WWC2: variants seen among roughly 807,000 people sequenced by gnomAD.
WWC2 encodes the protein protein WWC2.
WWC2 carries 101 observed loss-of-function variants against 138.5 expected under a neutral mutation model. The observed-to-expected ratio is 0.73, with a 90% CI of 0.62 to 0.86. The LOEUF (loss-of-function observed/expected upper bound fraction) is 0.86. WWC2 is among the 40% of genes least tolerant of loss of function. WWC2 has a pLI of 0.00. For missense variants in WWC2, 1,420 were observed against 1,419.4 expected, an observed-to-expected ratio of 1.00 and a Z score of -0.01; for synonymous variants, 558 against 538.4, an observed-to-expected ratio of 1.04 and a Z score of -0.50.
chr4:183,165,644 C>T (rs1428450451), intron 1 of WWC2, among the ~76,000 whole-genome samples: 2 of 152,124 alleles, frequency 1.3e-5, no homozygotes, highest in Admixed American at 6.5e-5. Flanking sequence ...CCTTCAGACT[C>T]ATAGCAAATA....
At chr4:183,299,092 G>T (rs953618029) in intron 21 of WWC2, among the ~76,000 whole-genome samples, 8 of 152,166 alleles carry the variant, frequency 5.3e-5, no homozygotes, top group African/African-American at 1.9e-4. Context: ...AGGCTGGAAA[G>T]TCCAAGATCC....
At chr4:183,209,050 T>C in intron 4 of WWC2, 25 bp downstream of exon 4, 1 of 1,492,828 alleles carries the variant, frequency 6.7e-7, no homozygotes, top group Non-Finnish European at 9.2e-7. Flanking sequence ...ATTGTGGTTC[T>C]ATGTTGACCC....
chr4:183,221,728 A>G (rs1220407954), intron 4 of WWC2, among the ~76,000 whole-genome samples: 1 of 152,226 alleles, frequency 6.6e-6, no homozygotes, highest in Non-Finnish European at 1.5e-5. Context: ...CACTGTATAA[A>G]CATTTATTGG....
intron 1 of WWC2, among the ~76,000 whole-genome samples, chr4:183,117,084 T>G (rs1732435586): frequency 6.6e-6 from 1 of 152,130 alleles, no homozygotes; most frequent in Admixed American, 6.5e-5. Context: ...CATCTCCTTT[T>G]CAAATGTGCC....
At chr4:183,292,964 T>C (rs1195598189) in intron 21 of WWC2, among the ~76,000 whole-genome samples, 1 of 152,224 alleles carries the variant, frequency 6.6e-6, no homozygotes, top group Non-Finnish European at 1.5e-5. Context: ...TTTGGTTTGG[T>C]TTTTTGAGAC....
intron 1 of WWC2, among the ~76,000 whole-genome samples, chr4:183,174,772 C>T (rs1315283130): frequency 6.6e-6 from 1 of 151,660 alleles, no homozygotes; most frequent in African/African-American, 2.4e-5. Context: ...TCTCCTTTTC[C>T]TCCTCTCCTC....
Position 183,282,924 on chromosome 4 carries a change from C to T in WWC2, c.2883+18C>T, listed in dbSNP as rs1192985780. On this transcript the variant is annotated intron_variant, in intron 18 of 22. Transcript: ENST00000403733. ...CAACACTGGTGACTATTCCGCTGTG[C>T]TGTCTTAAAACTGATACCTTACAGG... 4 of 1,558,176 alleles carry T rather than the reference C, an allele frequency of 2.6e-6. No homozygotes were observed. The highest frequency in any genetic ancestry group is 3.5e-6 in the Non-Finnish European group (4 of 1,150,800).
intron 1 of WWC2, among the ~76,000 whole-genome samples, chr4:183,116,405 A>G (rs1355371208): frequency 6.6e-6 from 1 of 152,236 alleles, no homozygotes; most frequent in Non-Finnish European, 1.5e-5. Flanking sequence ...CTATTGAATA[A>G]AAGAAACTTT....
chr4:183,111,698 GTT>G (rs563984525), intron 1 of WWC2, among the ~76,000 whole-genome samples: 2 of 141,046 alleles, frequency 1.4e-5, no homozygotes, highest in Admixed American at 1.4e-4. Flanking sequence ...TTTCTGTTTT[GTT>G]TTTTTTTTTT....
chr4:183,253,080 T>C (rs1737027199), intron 8 of WWC2, among the ~76,000 whole-genome samples: 1 of 152,176 alleles, frequency 6.6e-6, no homozygotes, highest in Non-Finnish European at 1.5e-5. Context: ...AGGGTCTCGC[T>C]ATGTTGCCCA....
chr4:183,307,779 G>A (rs1311268318), intron 21 of WWC2, among the ~76,000 whole-genome samples: 1 of 152,178 alleles, frequency 6.6e-6, no homozygotes. Flanking sequence ...AAAACTAGAA[G>A]CTTTCCTGCT....
At chr4:183,148,933 A>T (rs1013042626) in intron 1 of WWC2, among the ~76,000 whole-genome samples, 2 of 147,604 alleles carry the variant, frequency 1.4e-5, no homozygotes, top group South Asian at 2.2e-4. Context: ...TCAAATCCAA[A>T]TTTTTTTTTT....
intron 4 of WWC2, among the ~76,000 whole-genome samples, chr4:183,212,889 CTATAT>C (rs1215147904): frequency 6.6e-6 from 1 of 151,922 alleles, no homozygotes; most frequent in Non-Finnish European, 1.5e-5. Context: ...TATCAGAGGC[CTATAT>C]TATATTATAA....
chr4:183,142,566 C>T (rs1447602041), intron 1 of WWC2, among the ~76,000 whole-genome samples: 1 of 152,160 alleles, frequency 6.6e-6, no homozygotes, highest in African/African-American at 2.4e-5. Flanking sequence ...GTAATCTTTT[C>T]GTTTTCTTCT....
chr4:183,298,729 G>A (rs6852303), intron 21 of WWC2, among the ~76,000 whole-genome samples: 28,251 of 152,152 alleles, frequency 0.19, 2,828 homozygotes, highest in Non-Finnish European at 0.23. Context: ...ATAGCCACCA[G>A]AATCCCTTCT....
chr4:183,235,907 T>A (rs1310304902), intron 4 of WWC2, among the ~76,000 whole-genome samples: 1 of 152,252 alleles, frequency 6.6e-6, no homozygotes, highest in Admixed American at 6.5e-5. Flanking sequence ...TTATCTCATG[T>A]AATCCAAGTG....
At chr4:183,201,801 T>C (rs1162256247) in intron 2 of WWC2, among the ~76,000 whole-genome samples, 1 of 152,228 alleles carries the variant, frequency 6.6e-6, no homozygotes, top group Non-Finnish European at 1.5e-5. Context: ...GTATTTCTAT[T>C]CTAATCTATC....
chr4:183,167,054 A>G (rs1054314895), intron 1 of WWC2, among the ~76,000 whole-genome samples: 8 of 152,180 alleles, frequency 5.3e-5, no homozygotes, highest in Non-Finnish European at 1.2e-4. Flanking sequence ...CATTTGCACC[A>G]TGGAAATTTC....
At chr4:183,307,110 G>A (rs1399434512) in intron 21 of WWC2, among the ~76,000 whole-genome samples, 2 of 152,088 alleles carry the variant, frequency 1.3e-5, no homozygotes, top group Non-Finnish European at 2.9e-5. Flanking sequence ...CCACAGTCCA[G>A]GCCATAAGAT....
Sources: allele counts gnomAD v4.1 joint callset (sites outside exome capture counted in the v4.1 genomes callset), GRCh38; gene constraint gnomAD v4.1.1; transcripts MANE v1.5; gene names NCBI Gene and HGNC (gene_info 2026-07-23, HGNC 2026-07-21).